The following THOC2 variants were observed in gnomAD, a reference collection of about 807,000 sequenced individuals.
THOC2 encodes the protein THO complex subunit 2.
THOC2 carries 10 observed loss-of-function variants against 128.4 expected under a neutral mutation model. The observed-to-expected ratio is 0.08, with a 90% CI of 0.05 to 0.13. The LOEUF (loss-of-function observed/expected upper bound fraction) is 0.13. THOC2 is among the 10% of genes least tolerant of loss of function. The probability of loss-of-function intolerance (pLI) is 1.00; values close to 1 mark genes in which losing one functional copy is unlikely to be tolerated. For missense variants in THOC2, 535 were observed against 1,155.7 expected (o/e 0.46, Z 7.79); for synonymous variants, 393 against 396.9 (o/e 0.99, Z 0.12).
At chrX:123,621,683 T>A in intron 30 of THOC2, 96 bp from the exon 31 acceptor site, 2 of 666,350 alleles carry the variant, frequency 3.0e-6, no homozygotes, top group Non-Finnish European at 4.3e-6. Context: ...CTTACTAACT[T>A]CAAAAATACT....
intron 2 of THOC2, among the ~76,000 whole-genome samples, chrX:123,710,855 T>C (rs2051153795): frequency 9.7e-6 from 1 of 103,617 alleles, no homozygotes; most frequent in African/African-American, 3.5e-5. Flanking sequence ...CCGGGCGTGG[T>C]GGCGGGCGCC....
chrX:123,654,233 C>T (rs2147750876), intron 12 of THOC2, among the ~76,000 whole-genome samples: 1 of 109,184 alleles, frequency 9.2e-6, no homozygotes, highest in African/African-American at 3.3e-5. Context: ...GGGAGGGGAA[C>T]ATCACACACA....
At chrX:123,677,826 G>A (rs2147841315) in intron 8 of THOC2, among the ~76,000 whole-genome samples, 1 of 105,311 alleles carries the variant, frequency 9.5e-6, no homozygotes, top group South Asian at 4.4e-4. Context: ...GGCCAAGATT[G>A]TGCCACTGCA....
intron 16 of THOC2, 110 bp from the exon 17 acceptor site, chrX:123,639,137 A>G: frequency 2.9e-6 from 1 of 344,151 alleles, no homozygotes; most frequent in Admixed American, 4.4e-5. Flanking sequence ...AATGCTTATA[A>G]TTAAAGTGGT....
chrX:123,619,860 C>T (rs2047021638), intron 32 of THOC2: 2 of 118,010 alleles, frequency 1.7e-5, no homozygotes, highest in South Asian at 3.2e-4. Flanking sequence ...TCACATTTTA[C>T]TTTATTTTTA....
intron 8 of THOC2, among the ~76,000 whole-genome samples, chrX:123,678,047 C>T (rs909789066): frequency 9.1e-6 from 1 of 110,096 alleles, no homozygotes; most frequent in Non-Finnish European, 1.9e-5. Context: ...ACTCATGAAG[C>T]GGTCATCTAT....
At chrX:123,641,738 T>C (rs1192415063) in intron 15 of THOC2, among the ~76,000 whole-genome samples, 1 of 111,678 alleles carries the variant, frequency 9.0e-6, no homozygotes, top group African/African-American at 3.3e-5. Flanking sequence ...AATATTTTCT[T>C]GTCTTTGTCT....
intron 2 of THOC2, among the ~76,000 whole-genome samples, chrX:123,709,573 A>C (rs1442264477): frequency 9.0e-6 from 1 of 111,639 alleles, no homozygotes; most frequent in Non-Finnish European, 1.9e-5. Context: ...CCTGGGCGAT[A>C]GAGCGGGAGA....
chrX:123,687,025 G>A (rs1409677518), intron 7 of THOC2, among the ~76,000 whole-genome samples: 2 of 110,916 alleles, frequency 1.8e-5, no homozygotes, highest in African/African-American at 3.3e-5. Flanking sequence ...TTGATTACTC[G>A]GGCTAGTGAA....
chrX:123,699,162 G>C (rs2050583676), intron 4 of THOC2, among the ~76,000 whole-genome samples: 1 of 111,801 alleles, frequency 8.9e-6, no homozygotes, highest in Non-Finnish European at 1.9e-5. Context: ...TAATTTTACA[G>C]TCAACTCATA....
chrX:123,607,432 T>C (rs1224807162), intron 38 of THOC2, among the ~76,000 whole-genome samples: 1 of 103,472 alleles, frequency 9.7e-6, no homozygotes. Context: ...CATACTACCA[T>C]GCCTAGCTAA....
At chrX:123,732,685 G>A (rs1037379226) in intron 1 of THOC2, among the ~76,000 whole-genome samples, 1 of 111,898 alleles carries the variant, frequency 8.9e-6, no homozygotes, top group Non-Finnish European at 1.9e-5. Context: ...GACCTGCAGG[G>A]GCGGAATAAG....
Position 123,619,434 on chromosome X carries a change from G to C in THOC2, c.4278C>G (p.Asp1426Glu), listed in dbSNP as rs751850871. Residue 1426 changes from aspartate (D) to glutamate (E), a missense_variant and splice_region_variant, in exon 33 of 39, where the codon GAC becomes GAG. This residue lies in a region of THOC2 where 116 missense variants were observed against 180.0 expected (regional missense o/e 0.64). Coordinates refer to ENST00000245838, the MANE Select transcript of THOC2 (RefSeq NM_001081550.2). ...AAGATTCCTTGAGTTCGATGAGACT[G>C]TCCTGTAGAAAATGAATGGAGATGA... ...PSPSHSSTVK[D>E]SLIELKESSA... 8.3e-6 allele frequency: 10 copies of C among 1,204,559 alleles called. No homozygotes were observed. The highest frequency in any genetic ancestry group is 5.6e-6 in the Non-Finnish European group (5 of 891,228).
intron 23 of THOC2, 110 bp from the exon 24 acceptor site, chrX:123,626,772 T>G (rs757516733): frequency 1.4e-6 from 1 of 703,628 alleles, no homozygotes; most frequent in East Asian, 3.6e-5. Context: ...TACTTTAACA[T>G]GAATATAGGT....
intron 1 of THOC2, among the ~76,000 whole-genome samples, chrX:123,715,744 C>A (rs1480266121): frequency 7.0e-5 from 7 of 99,513 alleles, no homozygotes; most frequent in African/African-American, 2.7e-4. Flanking sequence ...AAGATAGCAC[C>A]ACTGCACTCC....
At chrX:123,615,901 A>G (rs1207705806) in intron 33 of THOC2, among the ~76,000 whole-genome samples, 1 of 111,181 alleles carries the variant, frequency 9.0e-6, no homozygotes, top group Non-Finnish European at 1.9e-5. Flanking sequence ...TTTTGCATAA[A>G]AACAGAGTTT....
chrX:123,726,218 A>C (rs1475399544), intron 1 of THOC2, among the ~76,000 whole-genome samples: 2 of 108,678 alleles, frequency 1.8e-5, no homozygotes, highest in African/African-American at 6.7e-5. Context: ...CAAAAAAAAT[A>C]ATAATAATAA....
intron 22 of THOC2, among the ~76,000 whole-genome samples, chrX:123,629,210 C>CG (rs985864161): frequency 1.1e-4 from 10 of 93,792 alleles, no homozygotes; most frequent in Admixed American, 4.7e-4. Context: ...TACATGAACA[C>CG]ACACACACAC....
chrX:123,640,058 G>T (rs2047847932), intron 16 of THOC2, among the ~76,000 whole-genome samples: 1 of 111,473 alleles, frequency 9.0e-6, no homozygotes, highest in African/African-American at 3.3e-5. Context: ...GCAGTGGCAT[G>T]CGCCTGTAAT....
Sources: allele counts gnomAD v4.1 joint callset (sites outside exome capture counted in the v4.1 genomes callset), GRCh38; gene constraint gnomAD v4.1.1; regional missense constraint gnomAD v4.1.1; transcripts MANE v1.5; gene names NCBI Gene and HGNC (gene_info 2026-07-23, HGNC 2026-07-21).